Variants in TAFA5 observed in about 807,000 individuals in gnomAD.
TAFA5 encodes the protein chemokine-like protein TAFA-5.
In TAFA5, 6 loss-of-function variants were observed where a neutral mutation model predicts 15.3. The observed-to-expected ratio is 0.39, with a 90% CI of 0.21 to 0.77. The LOEUF (loss-of-function observed/expected upper bound fraction) is 0.77. Ranked by LOEUF, TAFA5 falls within the 30% of genes least tolerant of loss-of-function variation. TAFA5 has a pLI of 0.41. For missense variants in TAFA5, 161 were observed against 193.1 expected, an observed-to-expected ratio of 0.83 and a Z score of 0.98; for synonymous variants, 103 against 80.7, an observed-to-expected ratio of 1.28 and a Z score of -1.48.
chr22:48,614,647 G>A (rs1177951772), intron 1 of TAFA5, among the ~76,000 whole-genome samples: 1 of 152,222 alleles, frequency 6.6e-6, no homozygotes, highest in East Asian at 1.9e-4. Flanking sequence ...GAAACATGCT[G>A]TAGGTGACCT....
chr22:48,517,508 G>T (rs1417487098), intron 1 of TAFA5, among the ~76,000 whole-genome samples: 2 of 152,198 alleles, frequency 1.3e-5, no homozygotes, highest in African/African-American at 2.4e-5. Flanking sequence ...GCTCCTGTAG[G>T]GTATGCCAGG....
chr22:48,674,345 G>A lies in TAFA5; in HGVS notation c.262+27599G>A, dbSNP rs188024534. On this transcript the variant is annotated intron_variant, in intron 2 of 3. Coordinates refer to ENST00000402357, the MANE Select transcript of TAFA5 (RefSeq NM_001082967.3). ...AGGGCAGGGCTTTTGTTCCGCCAGC[G>A]GTTCCTTTCTGGCACCCGTCCATGC... Among the ~76,000 whole-genome samples the A allele has an allele frequency of 9.1e-3, 1,186 of 129,694 alleles. 3 individuals carry two copies. The highest frequency in any genetic ancestry group is 0.015 in the Non-Finnish European group (807 of 54,668). 85.1% of individuals were successfully genotyped at this position (129,694 alleles called of 152,430 possible).
At chr22:48,687,834 TC>T (rs1928411627) in intron 2 of TAFA5, among the ~76,000 whole-genome samples, 1 of 152,100 alleles carries the variant, frequency 6.6e-6, no homozygotes, top group African/African-American at 2.4e-5. Flanking sequence ...TGCCCCAGGC[TC>T]CCTGAGTGCG....
chr22:48,648,359 G>A (rs567509957), intron 2 of TAFA5, among the ~76,000 whole-genome samples: 3 of 152,100 alleles, frequency 2.0e-5, no homozygotes, highest in South Asian at 2.1e-4. Context: ...GGATCCCACC[G>A]CCTCTGCCCA....
chr22:48,506,532 G>A (rs1475975629), intron 1 of TAFA5, among the ~76,000 whole-genome samples: 4 of 152,182 alleles, frequency 2.6e-5, no homozygotes, highest in Non-Finnish European at 4.4e-5. Flanking sequence ...GGTGACAGGC[G>A]GGGCCTTTGG....
chr22:48,714,954 G>T (rs1929359499), intron 3 of TAFA5, among the ~76,000 whole-genome samples: 1 of 152,170 alleles, frequency 6.6e-6, no homozygotes, highest in Non-Finnish European at 1.5e-5. Context: ...TCTTCATGGG[G>T]CCTGCTCTGT....
chr22:48,698,594 C>T (rs1928802409), intron 2 of TAFA5, among the ~76,000 whole-genome samples: 1 of 69,044 alleles, frequency 1.4e-5, no homozygotes, highest in Admixed American at 1.3e-4. Flanking sequence ...GAGTGGGGCA[C>T]ATTCCTCAGG....
At chr22:48,595,916 C>A (rs996022672) in intron 1 of TAFA5, among the ~76,000 whole-genome samples, 3 of 152,244 alleles carry the variant, frequency 2.0e-5, no homozygotes, top group Non-Finnish European at 2.9e-5. Context: ...ATACAACTTT[C>A]GCCATGGTTT....
chr22:48,535,022 C>T (rs755489763), intron 1 of TAFA5, among the ~76,000 whole-genome samples: 6 of 152,114 alleles, frequency 3.9e-5, no homozygotes, highest in African/African-American at 7.2e-5. Flanking sequence ...CCCCAGCCAG[C>T]GAACAGGGAA....
chr22:48,529,965 A>G (rs541219921), intron 1 of TAFA5, among the ~76,000 whole-genome samples: 311 of 151,854 alleles, frequency 2.0e-3, no homozygotes, highest in African/African-American at 6.9e-3. Flanking sequence ...GGTGTTGGAC[A>G]CCCCCTGAGG....
At chr22:48,716,846 T>C (rs575470786) in intron 3 of TAFA5, among the ~76,000 whole-genome samples, 2 of 152,192 alleles carry the variant, frequency 1.3e-5, no homozygotes, top group Admixed American at 1.3e-4. Flanking sequence ...CCCAGTAGAA[T>C]GTTGGAGACA....
At chr22:48,570,047 C>G (rs573147009) in intron 1 of TAFA5, among the ~76,000 whole-genome samples, 1 of 152,246 alleles carries the variant, frequency 6.6e-6, no homozygotes, top group Non-Finnish European at 1.5e-5. Context: ...CTCTTTCTGG[C>G]TCAGCCTCAC....
intron 2 of TAFA5, among the ~76,000 whole-genome samples, chr22:48,702,364 G>T (rs930906460): frequency 6.6e-6 from 1 of 152,020 alleles, no homozygotes; most frequent in Non-Finnish European, 1.5e-5. Flanking sequence ...TCCTACAGAG[G>T]CTTGAGATCG....
chr22:48,629,713 A>G lies in TAFA5; in HGVS notation c.113-16884A>G, dbSNP rs574522291. On this transcript the variant is annotated intron_variant, in intron 1 of 3. Coordinates refer to ENST00000402357, the MANE Select transcript of TAFA5 (RefSeq NM_001082967.3). The stretch of plus-strand genomic sequence containing the variant: ...GGATGCATGGGACAGTCCCCAGCAC[A>G]GAGACCCAACTCTATGTCCACATCA... 1.8e-4 allele frequency among the ~76,000 whole-genome samples: 28 copies of G among 152,310 alleles called. 1 individual carries two copies. The highest frequency in any genetic ancestry group is 6.5e-4 in the African/African-American group (27 of 41,578).
At chr22:48,636,490 G>A (rs962079563) in intron 1 of TAFA5, among the ~76,000 whole-genome samples, 6 of 116,324 alleles carry the variant, frequency 5.2e-5, no homozygotes, top group South Asian at 2.9e-4. Context: ...TACAATCAGC[G>A]ATAAGACTAA....
rs189849007 is a variant in TAFA5, at chr22:48,748,660, C to T, written c.391-1179C>T. Among the ~76,000 whole-genome samples, 216 of 152,290 alleles carry T rather than the reference C, an allele frequency of 1.4e-3. 2 individuals carry two copies. The highest frequency in any genetic ancestry group is 6.1e-3 in the Admixed American group (94 of 15,304). ...GGTAGACGAGGCTATGACAAGGTGA[C>T]GGCAAGGTCGTTCCCAGAGCAGTGA... On this transcript the variant is annotated intron_variant, in intron 3 of 3. Transcript: ENST00000402357.
rs1211787360 is a variant in TAFA5, at chr22:48,742,095, G to A, written c.391-7744G>A. Among the ~76,000 whole-genome samples, 2 of 152,228 alleles carry A rather than the reference G, an allele frequency of 1.3e-5. No individual in the cohort carries two copies. The highest frequency in any genetic ancestry group is 4.8e-5 in the African/African-American group (2 of 41,538). On this transcript the variant is annotated intron_variant, in intron 3 of 3. Coordinates refer to ENST00000402357, the MANE Select transcript of TAFA5 (RefSeq NM_001082967.3). This position sits in a 1 kb window ranked among gnomAD's most constrained non-coding sequence, Gnocchi z 6.2. ...TCCAGCTGGGAGGCTGTGGGAGGTC[G>A]GGGCACCTGCCAGGCTCTGGAGGGG...
intron 1 of TAFA5, among the ~76,000 whole-genome samples, chr22:48,537,137 G>T (rs1224015702): frequency 6.6e-6 from 1 of 151,988 alleles, no homozygotes; most frequent in Non-Finnish European, 1.5e-5. Flanking sequence ...AGATGGCTTG[G>T]TGCTGGCAGA....
intron 1 of TAFA5, among the ~76,000 whole-genome samples, chr22:48,604,935 G>A (rs1407664573): frequency 6.6e-6 from 1 of 151,934 alleles, no homozygotes; most frequent in Non-Finnish European, 1.5e-5. Flanking sequence ...GGTGGTGTGG[G>A]AGATGATGAT....
Sources: allele counts gnomAD v4.1 joint callset (sites outside exome capture counted in the v4.1 genomes callset), GRCh38; gene constraint gnomAD v4.1.1; non-coding constraint Gnocchi (gnomAD v3.1); transcripts MANE v1.5; gene names NCBI Gene and HGNC (gene_info 2026-07-23, HGNC 2026-07-21).